TRMT112: variants seen among roughly 807,000 people sequenced by gnomAD.
TRMT112 encodes the protein tRNA methyltransferase activator subunit 11-2.
A neutral mutation model predicts 13.8 loss-of-function variants in TRMT112; 9 were observed. The ratio of observed to expected loss-of-function variants is 0.65; its 90% CI spans 0.39 to 1.14. TRMT112 has a LOEUF of 1.14. Ranked by LOEUF, TRMT112 falls within the 50% of genes most tolerant of loss-of-function variation. The pLI is 0.01. For synonymous variants in TRMT112, 64 were observed against 67.0 expected, an observed-to-expected ratio of 0.96 and a Z score of 0.22; for missense variants, 196 against 165.5, an observed-to-expected ratio of 1.18 and a Z score of -1.01.
At chr11:64,318,495 T>G (rs2079786), upstream of TRMT112, 37,821 of 1,389,382 alleles carry the variant, frequency 0.027, 3,477 homozygotes, top group African/African-American at 0.23. Context: ...ACCCCTCCCC[T>G]CCGCCCGCCC....
At chr11:64,318,033 C>T (rs2035354104), upstream of TRMT112, 2 of 1,429,494 alleles carry the variant, frequency 1.4e-6, no homozygotes, top group South Asian at 1.5e-5. Context: ...GGCTGTCCAG[C>T]ACCCAGTGCA....
Position 64,317,375 on chromosome 11 carries a change from G to A in TRMT112, c.79-10C>T, listed in dbSNP as rs1343533168. ...TACGGACCTCGGTGGCCTGCAGGGC[G>A]GAGGAGTTTAGGCAAGCACTGGACC... is the stretch of plus-strand genomic sequence containing the variant. On this transcript the variant is annotated splice_polypyrimidine_tract_variant and intron_variant, in intron 1 of 3. Coordinates refer to ENST00000544844, the MANE Select transcript of TRMT112 (RefSeq NM_016404.3). The A allele has an allele frequency of 2.5e-6, 4 of 1,614,080 alleles. No individual in the cohort carries two copies. Among genetic ancestry groups the A allele is most frequent in the Non-Finnish European group, 3.4e-6 (4 of 1,179,956 alleles).
Position 64,316,679 on chromosome 11 carries a change from AAG to A in TRMT112, c.*180_*181del, listed in dbSNP as rs1266267807. On this transcript the variant is annotated 3_prime_UTR_variant, in exon 4 of 4. Transcript: ENST00000544844. ...TCTATTTTAATGTATATTTGCTGCA[AAG>A]AGAAACCGCTTTTGGTTTTAAACCT... 1.6e-6 allele frequency: 1 copy of A among 607,008 alleles called. No individual in the cohort carries two copies. Among genetic ancestry groups the A allele is most frequent in the Non-Finnish European group, 3.0e-6 (1 of 334,612 alleles). 37.6% of individuals were successfully genotyped at this position (607,008 alleles called of 1,614,324 possible).
At chr11:64,318,178 C>A, upstream of TRMT112, 1 of 1,608,822 alleles carries the variant, frequency 6.2e-7, no homozygotes. Flanking sequence ...GCGGTGGCAC[C>A]AGCCAGGAGG....
rs2035268723 is a variant in TRMT112, at chr11:64,316,481, C to T, written c.*380G>A. The stretch of plus-strand genomic sequence containing the variant: ...CCAAGCAGACTCCAGCCCCTGGACC[C>T]CTGGGGTGGCCAGGGCTTCCCCATC... On this transcript the variant is annotated 3_prime_UTR_variant, in exon 4 of 4. Coordinates refer to ENST00000544844, the MANE Select transcript of TRMT112 (RefSeq NM_016404.3). The T allele has an allele frequency of 4.5e-6, 1 of 223,142 alleles. No individual in the cohort carries two copies. Among genetic ancestry groups the T allele is most frequent in the Admixed American group, 5.2e-5 (1 of 19,284 alleles). 13.8% of individuals were successfully genotyped at this position (223,142 alleles called of 1,614,324 possible).
intron 1 of TRMT112, 25 bp from the exon 2 acceptor site, chr11:64,317,390 A>T (rs2035322867): frequency 6.2e-7 from 1 of 1,613,950 alleles, no homozygotes; most frequent in African/African-American, 1.3e-5. Flanking sequence ...AGTTTAGGCA[A>T]GCACTGGACC....
chr11:64,318,404 C>G (rs376203241), upstream of TRMT112: 2 of 1,593,528 alleles, frequency 1.3e-6, no homozygotes, highest in African/African-American at 2.7e-5. Flanking sequence ...CTGGCCCGGC[C>G]GGGCCTGACA....
At chr11:64,318,233 G>T, upstream of TRMT112, 1 of 1,611,878 alleles carries the variant, frequency 6.2e-7, no homozygotes, top group Non-Finnish European at 8.5e-7. Context: ...TAGCTGGCGT[G>T]TGCGCCCTGA....
upstream of TRMT112, chr11:64,318,128 A>G (rs896542446): frequency 1.3e-6 from 2 of 1,556,014 alleles, no homozygotes; most frequent in Non-Finnish European, 1.7e-6. Flanking sequence ...CGCCTTCCGC[A>G]GGGTGTCGCC....
At position 64,317,083 on chromosome 11, in the gene TRMT112, C is replaced by G. The variant is rs936303101; in HGVS notation, c.245G>C (p.Arg82Thr). 22 of 1,614,202 alleles carry G rather than the reference C, an allele frequency of 1.4e-5. No individual in the cohort carries two copies. The highest frequency in any genetic ancestry group is 1.8e-5 in the Non-Finnish European group (21 of 1,180,034). ...CTCCAGCAGCAGGTGGTGCATGGTC[C>G]TCAGAAACTCCTCATTCTCCTCATA... ...EGYEENEEFL[R>T]TMHHLLLEVE... Residue 82 changes from arginine to threonine, a missense_variant, in exon 3 of 4, where the codon AGG (arginine) becomes ACG (threonine). By Grantham distance (71) the Arg-to-Thr change is moderately conservative. Transcript: ENST00000544844.
intron 3 of TRMT112, 42 bp from the exon 4 acceptor site, chr11:64,317,010 G>C (rs1258837189): frequency 6.2e-7 from 1 of 1,611,332 alleles, no homozygotes; most frequent in Non-Finnish European, 8.5e-7. Flanking sequence ...GGCAGCCTCA[G>C]TGCGGGAGGC....
At chr11:64,317,766 T>A (rs760432232), upstream of TRMT112, 9 of 763,396 alleles carry the variant, frequency 1.2e-5, no homozygotes, top group African/African-American at 1.8e-5. Flanking sequence ...AGCTTTTTTT[T>A]GCCACAAATT....
upstream of TRMT112, chr11:64,317,676 A>C (rs28364831): frequency 0.28 from 255,690 of 904,374 alleles, 39,617 homozygotes; most frequent in Non-Finnish European, 0.32. Flanking sequence ...GTGGGAGCTG[A>C]GGTAGGTAGG....
chr11:64,318,489 C>T (rs1007957209), upstream of TRMT112: 18 of 1,416,038 alleles, frequency 1.3e-5, no homozygotes, highest in Admixed American at 3.8e-4. Flanking sequence ...TGCCAGACCC[C>T]TCCCCTCCGC....
At chr11:64,318,111 C>T (rs1003482317), upstream of TRMT112, 1 of 1,517,362 alleles carries the variant, frequency 6.6e-7, no homozygotes, top group African/African-American at 1.4e-5. Flanking sequence ...TGGAGGCGGC[C>T]CAGGCCCGCC....
Position 64,316,720 on chromosome 11 carries a change from A to T in TRMT112, c.*141T>A, listed in dbSNP as rs149984080. ...GGTTTTAAACCTTTAATGAGAAAAAAATATATAATACCGAGCTCAAAAACA... is the reference window on the plus strand; with the variant it reads ...GGTTTTAAACCTTTAATGAGAAAAATATATATAATACCGAGCTCAAAAACA... On this transcript the variant is annotated 3_prime_UTR_variant, in exon 4 of 4. Coordinates refer to ENST00000544844, the MANE Select transcript of TRMT112 (RefSeq NM_016404.3). 8.8e-5 allele frequency: 56 copies of T among 637,498 alleles called. No homozygotes were observed. Among genetic ancestry groups the T allele is most frequent in the Admixed American group, 4.3e-4 (15 of 34,602 alleles). 39.5% of individuals were successfully genotyped at this position (637,498 alleles called of 1,614,324 possible).
In TRMT112 at chr11:64,317,049, G is replaced by A. The variant is rs776200526; in HGVS notation, c.270+9C>T. ...TGGCCCGGGAAGCAAGTGATGGGCC[G>A]CTTCTCACCTCCAGCAGCAGGTGGT... On this transcript the variant is annotated intron_variant, in intron 3 of 3. Transcript: ENST00000544844. 2 of 1,613,956 alleles carry A rather than the reference G, an allele frequency of 1.2e-6. No individual in the cohort carries two copies. The highest frequency in any genetic ancestry group is 1.7e-6 in the Non-Finnish European group (2 of 1,179,952).
chr11:64,318,266 C>G (rs1315351043), upstream of TRMT112: 4 of 1,612,386 alleles, frequency 2.5e-6, no homozygotes, highest in Non-Finnish European at 3.4e-6. Context: ...GCTATATACT[C>G]GTCGGTGGGG....
At chr11:64,317,013 C>T (rs1214786809) in intron 3 of TRMT112, 45 bp from the exon 4 acceptor site, 3 of 1,610,910 alleles carry the variant, frequency 1.9e-6, no homozygotes, top group East Asian at 4.5e-5. Flanking sequence ...AGCCTCAGTG[C>T]GGGAGGCAGG....
Sources: allele counts gnomAD v4.1 joint callset, GRCh38; gene constraint gnomAD v4.1.1; transcripts MANE v1.5; gene names NCBI Gene and HGNC (gene_info 2026-07-23, HGNC 2026-07-21).